THEMIS2: variants seen among roughly 807,000 people sequenced by gnomAD.
The protein encoded by THEMIS2 is thymocyte selection associated family member 2.
THEMIS2 carries 29 observed loss-of-function variants against 46.8 expected under a neutral mutation model. That is an observed-to-expected ratio of 0.62 (90% CI 0.46 to 0.84). THEMIS2 has a LOEUF of 0.84. Among genes scored for constraint, THEMIS2 ranks in the 40% least tolerant of loss-of-function variants. The pLI, the probability that THEMIS2 is intolerant of heterozygous loss-of-function variation, is 0.00. For synonymous variants in THEMIS2, 335 were observed against 349.1 expected, an observed-to-expected ratio of 0.96 and a Z score of 0.45; for missense variants, 698 against 834.7, an observed-to-expected ratio of 0.84 and a Z score of 2.02.
rs144780385 is a variant in THEMIS2, at chr1:27,885,468, G to A, written c.1876+17G>A. ...AGGATCTAGGTGAGTCCCTGTGGGC[G>A]CTGCTCACCCTTGTCCTTGTGTCTC... On this transcript the variant is annotated intron_variant, in intron 5 of 5. Coordinates refer to ENST00000373921, the MANE Select transcript of THEMIS2 (RefSeq NM_001105556.3). 458 of 1,610,960 alleles carry A rather than the reference G, an allele frequency of 2.8e-4. No homozygotes were observed. The African/African-American group carries it at 4.6e-3, about 16-fold the overall frequency.
In THEMIS2 at chr1:27,874,033, G is replaced by GTTTTTTTTTTTTTTTTT. The variant is rs1256524975; in HGVS notation, c.94+1369_94+1385dup. Among the ~76,000 whole-genome samples the GTTTTTTTTTTTTTTTTT allele has an allele frequency of 1.4e-4, 14 of 97,162 alleles. 3 individuals carry two copies. Among genetic ancestry groups the GTTTTTTTTTTTTTTTTT allele is most frequent in the African/African-American group, 6.2e-4 (12 of 19,310 alleles). The allele number at this position is 97,162 out of a possible 152,430, so 63.7% of individuals were successfully genotyped here. A position where few individuals can be genotyped will look rare whatever the true frequency, so the allele number is the denominator to read the frequency against. On this transcript the variant is annotated intron_variant, in intron 1 of 5. Transcript: ENST00000373921. ...GGCAAACACCCTGGGTTCAACCTAGGTTTTTTTTTTTTTTTTTGAGACAGA... is the reference window on the plus strand; with the variant it reads ...GGCAAACACCCTGGGTTCAACCTAGGTTTTTTTTTTTTTTTTTTTTTTTTTTTTTTTTTTGAGACAGA...
chr1:27,882,819 G>C lies in THEMIS2; in HGVS notation c.1495G>C (p.Glu499Gln). 6.2e-7 allele frequency: 1 copy of C among 1,613,966 alleles called. No individual in the cohort carries two copies. The highest frequency in any genetic ancestry group is 8.5e-7 in the Non-Finnish European group (1 of 1,179,934). The change falls in exon 4 of 6, where the codon GAG (glutamate) becomes CAG (glutamine). Residue 499 changes from glutamate (E) to glutamine (Q), a missense_variant. Glu to Gln is a conservative substitution (Grantham distance 29, BLOSUM62 2). Coordinates refer to ENST00000373921, the MANE Select transcript of THEMIS2 (RefSeq NM_001105556.3). This position sits in a 1 kb window ranked among gnomAD's most constrained non-coding sequence, Gnocchi z 7.6. ...SLDSEPGMCFEIPPRWLDLTV... is the reference protein window; with the variant it reads ...SLDSEPGMCFQIPPRWLDLTV... Reference sequence around the variant, plus strand: ...AGACTCTGAGCCTGGGATGTGCTTTGAGATCCCTCCCCGGTGGCTGGACCT... The same window carrying C: ...AGACTCTGAGCCTGGGATGTGCTTTCAGATCCCTCCCCGGTGGCTGGACCT...
chr1:27,882,657 C>T lies in THEMIS2; in HGVS notation c.1333C>T (p.Leu445=). 1.2e-6 allele frequency: 2 copies of T among 1,614,180 alleles called. No homozygotes were observed. Among genetic ancestry groups the T allele is most frequent in the South Asian group, 1.1e-5 (1 of 91,088 alleles). Reference sequence around the variant, plus strand: ...CAGCCGGCGCTACAGCCTGGCAGATCTGACTGCCCAGTTTTCACTGCCTTG... The same window carrying T: ...CAGCCGGCGCTACAGCCTGGCAGATTTGACTGCCCAGTTTTCACTGCCTTG... ...SDSRRYSLAD[L]TAQFSLPCEV... Residue 445 remains leucine (L), a synonymous_variant, in exon 4 of 6, where the codon CTG becomes TTG. Transcript: ENST00000373921. This position sits in a 1 kb window ranked among gnomAD's most constrained non-coding sequence, Gnocchi z 7.6.
intron 2 of THEMIS2, among the ~76,000 whole-genome samples, chr1:27,877,264 G>A (rs1427692216): frequency 1.3e-5 from 2 of 152,176 alleles, no homozygotes; most frequent in East Asian, 3.8e-4. Flanking sequence ...CCAGCCACAG[G>A]GAGTAGCATG....
chr1:27,878,293 T>A lies in THEMIS2; in HGVS notation c.236-1351T>A, dbSNP rs534727353. Among the ~76,000 whole-genome samples, 5 of 151,282 alleles carry A rather than the reference T, an allele frequency of 3.3e-5. No homozygotes were observed. The South Asian group carries it at 1.0e-3, about 32-fold the overall frequency. On this transcript the variant is annotated intron_variant, in intron 2 of 5. Transcript: ENST00000373921. ...CACACCACCTGGGGGCTATGTGGTGTGCTGACACTGTTTGTTCTTTATTTC... is the reference window on the plus strand; with the variant it reads ...CACACCACCTGGGGGCTATGTGGTGAGCTGACACTGTTTGTTCTTTATTTC...
intron 3 of THEMIS2, 55 bp downstream of exon 3, chr1:27,880,109 C>A: frequency 6.6e-7 from 1 of 1,517,696 alleles, no homozygotes; most frequent in Non-Finnish European, 8.9e-7. Flanking sequence ...AGAGGGTTGC[C>A]CCTGGGAGCT....
intron 1 of THEMIS2, among the ~76,000 whole-genome samples, chr1:27,875,119 C>T (rs183639328): frequency 1.1e-3 from 172 of 152,220 alleles, no homozygotes; most frequent in African/African-American, 3.9e-3. Flanking sequence ...GCTGGGATTA[C>T]AGGTGCCAAC....
Position 27,885,590 on chromosome 1 carries a change from G to A in THEMIS2, c.1876+139G>A, listed in dbSNP as rs2089757118. ...TTGATGGACAGGCCTCTATGGGGTGGGCTCAGGTAGAAAGGTTCCTACTGT... is the reference window on the plus strand; with the variant it reads ...TTGATGGACAGGCCTCTATGGGGTGAGCTCAGGTAGAAAGGTTCCTACTGT... On this transcript the variant is annotated intron_variant, in intron 5 of 5. Coordinates refer to ENST00000373921, the MANE Select transcript of THEMIS2 (RefSeq NM_001105556.3). 5.1e-6 allele frequency: 6 copies of A among 1,165,510 alleles called. No individual in the cohort carries two copies. The Admixed American group carries it at 8.6e-5, about 17-fold the overall frequency. 72.2% of individuals were successfully genotyped at this position (1,165,510 alleles called of 1,614,324 possible).
chr1:27,883,227 A>G (rs774042755), intron 4 of THEMIS2, among the ~76,000 whole-genome samples, 184 bp downstream of exon 4: 2 of 152,070 alleles, frequency 1.3e-5, no homozygotes. Flanking sequence ...GATTATCAGT[A>G]TCTTATGATT....
intron 3 of THEMIS2, 129 bp downstream of exon 3, chr1:27,880,183 C>G (rs748299592): frequency 4.8e-6 from 5 of 1,042,906 alleles, no homozygotes; most frequent in Non-Finnish European, 6.8e-6. Context: ...GTTGCTCCCT[C>G]TGTATTACAC....
intron 1 of THEMIS2, among the ~76,000 whole-genome samples, chr1:27,875,923 C>T (rs1296395720): frequency 6.6e-6 from 1 of 151,874 alleles, no homozygotes; most frequent in African/African-American, 2.4e-5. Context: ...AGGATGGTCT[C>T]GATCTCCTGA....
Position 27,880,050 on chromosome 1 carries a change from G to GCACAGTGAGTT in THEMIS2, c.643_646+7dup. 6.3e-7 allele frequency: 1 copy of GCACAGTGAGTT among 1,593,452 alleles called. No homozygotes were observed. The highest frequency in any genetic ancestry group is 1.7e-5 in the Admixed American group (1 of 59,366). On this transcript the variant is annotated frameshift_variant, in exon 3 of 6. Transcript: ENST00000373921. LOFTEE classifies it high-confidence loss of function. The stretch of plus-strand genomic sequence containing the variant: ...CCCAGTATGAGATCCAAGCCATCAT[G>GCACAGTGAGTT]CACAGTGAGTTGCCTGGGCAGATGG...
intron 3 of THEMIS2, 47 bp downstream of exon 3, chr1:27,880,101 A>C (rs373800860): frequency 2.0e-6 from 3 of 1,532,454 alleles, no homozygotes; most frequent in African/African-American, 2.7e-5. Flanking sequence ...GGAGAGAAAG[A>C]GGGTTGCCCC....
intron 1 of THEMIS2, among the ~76,000 whole-genome samples, chr1:27,873,475 TAGAG>T (rs1557444304): frequency 1.3e-5 from 2 of 151,920 alleles, no homozygotes; most frequent in African/African-American, 2.4e-5. Context: ...GTTCCTTCCT[TAGAG>T]AGCGAACTGA....
chr1:27,872,555 A>C lies in THEMIS2; in HGVS notation c.-17A>C. The C allele has an allele frequency of 6.8e-7, 1 of 1,479,968 alleles. No homozygotes were observed. The highest frequency in any genetic ancestry group is 2.9e-5 in the East Asian group (1 of 33,952). The allele number at this position is 1,479,968 out of a possible 1,614,324, so 91.7% of individuals were successfully genotyped here. Reference sequence around the variant, plus strand: ...CCCGCCCGCCCCTCAGTCTGAGCCCAGAGAGCCGCGGGGACCATGGAGCCG... The same window carrying C: ...CCCGCCCGCCCCTCAGTCTGAGCCCCGAGAGCCGCGGGGACCATGGAGCCG... On this transcript the variant is annotated 5_prime_UTR_variant, in exon 1 of 6. Coordinates refer to ENST00000373921, the MANE Select transcript of THEMIS2 (RefSeq NM_001105556.3). This position sits in a 1 kb window ranked among gnomAD's most constrained non-coding sequence, Gnocchi z 4.9.
intron 2 of THEMIS2, among the ~76,000 whole-genome samples, chr1:27,879,119 G>C (rs1177516246): frequency 6.6e-6 from 1 of 152,120 alleles, no homozygotes; most frequent in African/African-American, 2.4e-5. Context: ...GGTGGGGGCT[G>C]GAGGGAGGGG....
At chr1:27,885,210 G>C in intron 4 of THEMIS2, 85 bp from the exon 5 acceptor site, 1 of 1,419,696 alleles carries the variant, frequency 7.0e-7, no homozygotes, top group Non-Finnish European at 9.7e-7. Flanking sequence ...CAGAGGAAGT[G>C]ACACTTAACG....
chr1:27,885,568 A>T, intron 5 of THEMIS2, 117 bp downstream of exon 5: 1 of 1,316,062 alleles, frequency 7.6e-7, no homozygotes. Flanking sequence ...TCCCAGTTTG[A>T]TGGACAGGCC....
chr1:27,875,755 A>T (rs531322911), intron 1 of THEMIS2, among the ~76,000 whole-genome samples: 3 of 151,630 alleles, frequency 2.0e-5, no homozygotes, highest in East Asian at 1.9e-4. Flanking sequence ...GGCTGGAGTG[A>T]AGTGGCGTGA....
Sources: gnomAD v4.1 joint callset for allele counts (sites outside exome capture counted in the v4.1 genomes callset) on GRCh38, gnomAD v4.1.1 for gene constraint, Gnocchi (gnomAD v3.1) non-coding constraint, MANE v1.5 for transcripts, NCBI Gene and HGNC (gene_info 2026-07-23, HGNC 2026-07-21) for gene names.